The following PIAS4 variants were observed in gnomAD, a reference collection of about 807,000 sequenced individuals.
PIAS4 encodes the protein protein inhibitor of activated STAT 4, also known as E3 SUMO-protein ligase PIAS4.
In PIAS4, 7 loss-of-function variants were observed where a neutral mutation model predicts 58.0. That is an observed-to-expected ratio of 0.12 (90% CI 0.07 to 0.23). PIAS4 has a LOEUF of 0.23. Among genes scored for constraint, PIAS4 ranks in the 10% least tolerant of loss-of-function variants. The pLI, the probability that PIAS4 is intolerant of heterozygous loss-of-function variation, is 1.00. For synonymous variants in PIAS4, 364 were observed against 312.4 expected, an observed-to-expected ratio of 1.17 and a Z score of -1.74; for missense variants, 550 against 709.5, an observed-to-expected ratio of 0.78 and a Z score of 2.55.
chr19:4,019,850 C>T (rs927788118), intron 2 of PIAS4, among the ~76,000 whole-genome samples: 2 of 152,070 alleles, frequency 1.3e-5, no homozygotes, highest in East Asian at 1.9e-4. Flanking sequence ...TCAACATGGG[C>T]GGGACGTGCA....
chr19:4,037,414 G>A lies in PIAS4; in HGVS notation c.1183G>A (p.Glu395Lys). 6.2e-7 allele frequency: 1 copy of A among 1,610,904 alleles called. No homozygotes were observed. Among genetic ancestry groups the A allele is most frequent in the Non-Finnish European group, 8.5e-7 (1 of 1,178,708 alleles). ...CCTGAGCGAGTGTGAGGACGCCGAC[G>A]AGATCGAGTACCTGGTGGACGGCTC... Reference protein sequence around the residue: ...KILSECEDADEIEYLVDGSWC... With the variant: ...KILSECEDADKIEYLVDGSWC... The change falls in exon 10 of 11, where the codon GAG (glutamate) becomes AAG (lysine). Residue 395 changes from glutamate to lysine, a missense_variant. Physicochemically the swap from Glu to Lys is moderately conservative, Grantham distance 56. This residue lies in a region of PIAS4 where 188 missense variants were observed against 192.0 expected (regional missense o/e 0.98). Transcript: ENST00000262971. The surrounding 1 kb of genome is among the most constrained non-coding windows in gnomAD (Gnocchi z 5.8).
intron 1 of PIAS4, 33 bp from the exon 2 acceptor site, chr19:4,012,890 C>A (rs1031732791): frequency 4.4e-6 from 7 of 1,581,776 alleles, no homozygotes; most frequent in Non-Finnish European, 5.2e-6. Context: ...GCAGCTGTGT[C>A]CTCTGAGTGT....
chr19:4,033,550 C>T lies in PIAS4; in HGVS notation c.1112C>T (p.Pro371Leu), dbSNP rs1365130113. ...TGGATGTGCCCCGTGTGCGACAAGC[C>T]AGCCCCCTACGACCAGCTCATCATC... ...PTWMCPVCDKPAPYDQLIIDG... is the reference protein window; with the variant it reads ...PTWMCPVCDKLAPYDQLIIDG... Residue 371 changes from proline (P) to leucine (L), a missense_variant, in exon 9 of 11, where the codon CCA becomes CTA. By Grantham distance (98) the Pro-to-Leu change is moderately conservative. Coordinates refer to ENST00000262971, the MANE Select transcript of PIAS4 (RefSeq NM_015897.4). 4 of 1,609,516 alleles carry T rather than the reference C, an allele frequency of 2.5e-6. No homozygotes were observed. The highest frequency in any genetic ancestry group is 1.3e-5 in the African/African-American group (1 of 74,890).
rs200574015 is a variant in PIAS4 at position 4,013,170 on chromosome 19, G to A, written c.275G>A (p.Arg92Gln). 4.3e-6 allele frequency: 7 copies of A among 1,613,406 alleles called. No homozygotes were observed. Among genetic ancestry groups the A allele is most frequent in the East Asian group, 2.2e-5 (1 of 44,884 alleles). ...DPLTMHSTYDRAGAVPRTPLA... is the reference protein window; with the variant it reads ...DPLTMHSTYDQAGAVPRTPLA... ...CTGACCATGCACTCCACCTACGACC[G>A]GGCCGGCGCTGTGCCCAGGACTCCG... The change falls in exon 2 of 11, where the codon CGG (arginine) becomes CAG (glutamine). Residue 92 changes from arginine (R) to glutamine (Q), a missense_variant. Around this residue, in one of 4 missense-constraint regions of PIAS4, gnomAD observed 95 missense variants for 87.5 expected, o/e 1.09. Coordinates refer to ENST00000262971, the MANE Select transcript of PIAS4 (RefSeq NM_015897.4). The surrounding 1 kb of genome is among the most constrained non-coding windows in gnomAD (Gnocchi z 5.1).
chr19:4,029,113 G>A (rs2040198101), intron 7 of PIAS4, 77 bp downstream of exon 7: 1 of 1,062,320 alleles, frequency 9.4e-7, no homozygotes, highest in Non-Finnish European at 1.4e-6. Flanking sequence ...GTGAAGCGGG[G>A]GGCCCTGCAC....
At chr19:4,030,654 A>G (rs1275419501) in intron 7 of PIAS4, among the ~76,000 whole-genome samples, 4 of 151,734 alleles carry the variant, frequency 2.6e-5, no homozygotes, top group Non-Finnish European at 5.9e-5. Context: ...CTGGTAGGCA[A>G]ATCAGTCCTC....
chr19:4,016,060 G>C (rs558365005), intron 2 of PIAS4, among the ~76,000 whole-genome samples: 1 of 152,228 alleles, frequency 6.6e-6, no homozygotes, highest in African/African-American at 2.4e-5. Flanking sequence ...CTCCCGAGCC[G>C]ACTGGCTCCT....
intron 1 of PIAS4, among the ~76,000 whole-genome samples, chr19:4,010,006 C>G (rs1055844263): frequency 6.6e-6 from 1 of 152,194 alleles, no homozygotes; most frequent in Non-Finnish European, 1.5e-5. Context: ...AAAGGTTCAG[C>G]GCAGCTGCTG....
chr19:4,011,658 T>TGGTGTGGAGGTGTGGGG lies in PIAS4; in HGVS notation c.28-1250_28-1234dup, dbSNP rs752378886. Among the ~76,000 whole-genome samples the TGGTGTGGAGGTGTGGGG allele has an allele frequency of 5.9e-3, 680 of 114,856 alleles. 60 individuals are homozygous for TGGTGTGGAGGTGTGGGG. Among genetic ancestry groups the TGGTGTGGAGGTGTGGGG allele is most frequent in the Non-Finnish European group, 9.6e-3 (528 of 54,948 alleles). 75.3% of individuals were successfully genotyped at this position (114,856 alleles called of 152,430 possible). On this transcript the variant is annotated intron_variant, in intron 1 of 10. Coordinates refer to ENST00000262971, the MANE Select transcript of PIAS4 (RefSeq NM_015897.4). ...GGTGTGTTTGGTGTGGAGGTGTGTT[T>TGGTGTGGAGGTGTGGGG]GGTGTGGAGGTGTGGGGGGTGTGGA... is the stretch of plus-strand genomic sequence containing the variant.
At chr19:4,035,221 C>T (rs1464708665) in intron 9 of PIAS4, among the ~76,000 whole-genome samples, 9 of 152,086 alleles carry the variant, frequency 5.9e-5, no homozygotes, top group Admixed American at 5.9e-4. Flanking sequence ...GGGACGAGGG[C>T]TCTCCTGTGT....
At chr19:4,028,389 C>G in intron 4 of PIAS4, 121 bp from the exon 5 acceptor site, 1 of 828,894 alleles carries the variant, frequency 1.2e-6, no homozygotes, top group South Asian at 1.6e-5. Flanking sequence ...CTGATACCCC[C>G]CGTGTCACAT....
Position 4,027,398 on chromosome 19 carries a change from G to A in PIAS4, c.540-748G>A, listed in dbSNP as rs547550600. Among the ~76,000 whole-genome samples the A allele has an allele frequency of 4.6e-5, 7 of 152,284 alleles. No homozygotes were observed. The South Asian group carries it at 8.3e-4, about 18-fold the overall frequency. ...TCCATGGCTGGGTCGCGTCCCGTGC[G>A]TGTTGGTCCTTCGGTCTACGGAAGG... On this transcript the variant is annotated intron_variant, in intron 3 of 10. Coordinates refer to ENST00000262971, the MANE Select transcript of PIAS4 (RefSeq NM_015897.4).
chr19:4,011,233 C>T (rs1282052971), intron 1 of PIAS4, among the ~76,000 whole-genome samples: 3 of 152,214 alleles, frequency 2.0e-5, no homozygotes, highest in Admixed American at 6.5e-5. Context: ...ACACCCTTGA[C>T]GCTTGAGCTT....
intron 1 of PIAS4, among the ~76,000 whole-genome samples, chr19:4,009,426 ACCTC>A (rs1229745157): frequency 2.0e-5 from 3 of 151,514 alleles, no homozygotes; most frequent in Non-Finnish European, 4.4e-5. Flanking sequence ...CTGAAATGTA[ACCTC>A]CCGTTTCGGG....
At chr19:4,025,355 A>G (rs1245015791) in intron 3 of PIAS4, among the ~76,000 whole-genome samples, 7 of 152,178 alleles carry the variant, frequency 4.6e-5, no homozygotes, top group Non-Finnish European at 4.4e-5. Context: ...CTCCTCCCTC[A>G]GTCTCTCCGA....
intron 7 of PIAS4, among the ~76,000 whole-genome samples, chr19:4,032,880 C>T (rs1259116791): frequency 2.0e-5 from 3 of 152,198 alleles, no homozygotes; most frequent in South Asian, 2.1e-4. Context: ...GGGGCTTCGG[C>T]TGGGTCTGTG....
chr19:4,032,358 C>G (rs895334), intron 7 of PIAS4, among the ~76,000 whole-genome samples: 138,430 of 152,072 alleles, frequency 0.91, 63,114 homozygotes, highest in East Asian at 0.96. Flanking sequence ...GGCCTGCCCC[C>G]CATGGCCCAG....
chr19:4,018,313 C>G (rs960674627), intron 2 of PIAS4: 1 of 152,260 alleles, frequency 6.6e-6, no homozygotes, highest in African/African-American at 2.4e-5. Context: ...TGGCTGTGTC[C>G]TGGCTGCTAT....
intron 7 of PIAS4, among the ~76,000 whole-genome samples, chr19:4,030,519 T>A (rs1395732398): frequency 6.6e-6 from 1 of 151,120 alleles, no homozygotes; most frequent in Non-Finnish European, 1.5e-5. Flanking sequence ...CTCGGGAGGC[T>A]GAGGCAGGAG....
Sources: gnomAD v4.1 joint callset for allele counts (sites outside exome capture counted in the v4.1 genomes callset) on GRCh38, gnomAD v4.1.1 for gene constraint, gnomAD v4.1.1 regional missense constraint, Gnocchi (gnomAD v3.1) non-coding constraint, MANE v1.5 for transcripts, NCBI Gene and HGNC (gene_info 2026-07-23, HGNC 2026-07-21) for gene names.